Variants in TMEM178B observed in about 807,000 individuals in gnomAD.
The protein encoded by TMEM178B is transmembrane protein 178B.
In TMEM178B, 5 loss-of-function variants were observed where a neutral mutation model predicts 31.0. That is an observed-to-expected ratio of 0.16 (90% CI 0.08 to 0.34). The LOEUF is 0.34. TMEM178B is among the 10% of genes least tolerant of loss of function. The probability of loss-of-function intolerance (pLI) is 1.00; values close to 1 mark genes in which losing one functional copy is unlikely to be tolerated. For missense variants in TMEM178B, 275 were observed against 400.3 expected (o/e 0.69, Z 2.67); for synonymous variants, 164 against 164.0 (o/e 1.00, Z 0.00).
At chr7:141,168,361 T>C (rs1796294062) in intron 1 of TMEM178B, among the ~76,000 whole-genome samples, 1 of 152,186 alleles carries the variant, frequency 6.6e-6, no homozygotes, top group African/African-American at 2.4e-5. Context: ...CCTTGGAGAA[T>C]GGGAACCAAG....
intron 2 of TMEM178B, among the ~76,000 whole-genome samples, chr7:141,284,809 G>A (rs1303142793): frequency 6.6e-6 from 1 of 152,142 alleles, no homozygotes; most frequent in Non-Finnish European, 1.5e-5. Flanking sequence ...GGTCTGGACT[G>A]CTCAGTATTA....
At chr7:141,436,604 A>G (rs1214509480) in intron 2 of TMEM178B, among the ~76,000 whole-genome samples, 1 of 151,480 alleles carries the variant, frequency 6.6e-6, no homozygotes, top group Non-Finnish European at 1.5e-5. Context: ...AGAAGGGGTG[A>G]TGGATGAGGA....
intron 1 of TMEM178B, among the ~76,000 whole-genome samples, chr7:141,184,572 A>G (rs1043900561): frequency 2.6e-5 from 4 of 152,006 alleles, no homozygotes; most frequent in African/African-American, 7.3e-5. Context: ...CTCCTAGTCA[A>G]TTTCACCTAC....
chr7:141,474,866 G>A lies in TMEM178B; in HGVS notation c.*4080G>A, dbSNP rs1333294722. ...ATGAACTCAGGTACATCACCCAGAG[G>A]CATTTAGAATGGACTCTCTCTTCAC... On this transcript the variant is annotated 3_prime_UTR_variant, in exon 4 of 4. Coordinates refer to ENST00000565468, the MANE Select transcript of TMEM178B (RefSeq NM_001195278.2). The A allele has an allele frequency of 2.6e-5, 4 of 152,214 alleles. No homozygotes were observed. The highest frequency in any genetic ancestry group is 4.8e-5 in the African/African-American group (2 of 41,442). The allele number at this position is 152,214 out of a possible 1,614,324, so 9.4% of individuals were successfully genotyped here.
chr7:141,256,079 C>T (rs1176563657), intron 2 of TMEM178B, among the ~76,000 whole-genome samples: 2 of 152,098 alleles, frequency 1.3e-5, no homozygotes, highest in Admixed American at 6.5e-5. Context: ...TCCATCCATC[C>T]CTCCCTCTGT....
intron 1 of TMEM178B, among the ~76,000 whole-genome samples, chr7:141,089,756 A>G (rs1794849072): frequency 6.6e-6 from 1 of 152,170 alleles, no homozygotes; most frequent in Non-Finnish European, 1.5e-5. Flanking sequence ...AAACTATTGC[A>G]AGGACAAAAA....
chr7:141,361,159 G>GCCAGTCT (rs1037788142), intron 2 of TMEM178B, among the ~76,000 whole-genome samples: 8 of 152,284 alleles, frequency 5.3e-5, no homozygotes, highest in Admixed American at 5.2e-4. Context: ...TTCAAGAGAG[G>GCCAGTCT]CCAGTCTCAA....
At chr7:141,198,536 A>G (rs1054015126) in intron 1 of TMEM178B, among the ~76,000 whole-genome samples, 6 of 152,214 alleles carry the variant, frequency 3.9e-5, no homozygotes, top group African/African-American at 1.2e-4. Context: ...CTTAATTTAA[A>G]GAAAATGGAT....
chr7:141,089,801 A>G (rs1051166394), intron 1 of TMEM178B, among the ~76,000 whole-genome samples: 3 of 151,998 alleles, frequency 2.0e-5, no homozygotes, highest in Admixed American at 1.3e-4. Flanking sequence ...ATAGGTGGGA[A>G]TTGAACAGTG....
At chr7:141,306,708 T>C (rs1184057279) in intron 2 of TMEM178B, among the ~76,000 whole-genome samples, 1 of 152,014 alleles carries the variant, frequency 6.6e-6, no homozygotes, top group Admixed American at 6.6e-5. Flanking sequence ...TCGTCTTTGC[T>C]GTATTCTGTT....
chr7:141,354,621 C>T (rs1799788268), intron 2 of TMEM178B, among the ~76,000 whole-genome samples: 1 of 152,212 alleles, frequency 6.6e-6, no homozygotes, highest in African/African-American at 2.4e-5. Flanking sequence ...CTTATTCAAC[C>T]ATATTCCTCT....
chr7:141,338,130 C>A (rs1187413015), intron 2 of TMEM178B, among the ~76,000 whole-genome samples: 1 of 152,156 alleles, frequency 6.6e-6, no homozygotes, highest in African/African-American at 2.4e-5. Context: ...AGCCACCGTG[C>A]CCGGCCGATT....
chr7:141,296,214 C>T (rs553364334), intron 2 of TMEM178B, among the ~76,000 whole-genome samples: 10 of 152,074 alleles, frequency 6.6e-5, no homozygotes, highest in South Asian at 2.1e-4. Context: ...ATTATAGTTG[C>T]GTACCATCAC....
At chr7:141,359,550 A>G (rs1337667043) in intron 2 of TMEM178B, among the ~76,000 whole-genome samples, 1 of 152,236 alleles carries the variant, frequency 6.6e-6, no homozygotes, top group African/African-American at 2.4e-5. Context: ...GGTTACTGAA[A>G]CAATTTGACT....
chr7:141,445,595 G>C (rs1401745124), intron 3 of TMEM178B, among the ~76,000 whole-genome samples: 1 of 152,210 alleles, frequency 6.6e-6, no homozygotes, highest in Non-Finnish European at 1.5e-5. Flanking sequence ...TTAGGTCAGA[G>C]AGGGGAGACA....
chr7:141,368,456 G>C (rs1249552489), intron 2 of TMEM178B, among the ~76,000 whole-genome samples: 1 of 152,180 alleles, frequency 6.6e-6, no homozygotes, highest in Non-Finnish European at 1.5e-5. Flanking sequence ...CACCTCATTG[G>C]ATTTTTACAT....
chr7:141,171,049 CA>C lies in TMEM178B; in HGVS notation c.383-41541del, dbSNP rs1563106746. 6.7e-5 allele frequency among the ~76,000 whole-genome samples: 10 copies of C among 149,576 alleles called. No individual in the cohort carries two copies. The highest frequency in any genetic ancestry group is 1.7e-4 in the African/African-American group (7 of 40,264). ...ACACACACACACACACACACACACACACACACACACACACACCCTAAATATA... is the reference window on the plus strand; with the variant it reads ...ACACACACACACACACACACACACACCACACACACACACACCCTAAATATA... On this transcript the variant is annotated intron_variant, in intron 1 of 3. Transcript: ENST00000565468. The surrounding 1 kb of genome is among the most constrained non-coding windows in gnomAD (Gnocchi z 4.3).
the TMEM178B span, among the ~76,000 whole-genome samples, chr7:141,495,395 GT>G: frequency 2.0e-5 from 3 of 152,204 alleles, no homozygotes; most frequent in Non-Finnish European, 4.4e-5. Flanking sequence ...CCTTGCTGGT[GT>G]GTTAAAGAAT....
intron 2 of TMEM178B, among the ~76,000 whole-genome samples, chr7:141,396,204 G>A (rs114160385): frequency 0.025 from 3,856 of 151,516 alleles, 67 homozygotes; most frequent in African/African-American, 0.041. Context: ...AGGCCAGCAC[G>A]CCTCACCTGT....
Sources: allele counts gnomAD v4.1 joint callset (sites outside exome capture counted in the v4.1 genomes callset), GRCh38; gene constraint gnomAD v4.1.1; non-coding constraint Gnocchi (gnomAD v3.1); transcripts MANE v1.5; gene names NCBI Gene and HGNC (gene_info 2026-07-23, HGNC 2026-07-21).